The following LDB2 variants were observed in gnomAD, a reference collection of about 807,000 sequenced individuals.
LDB2 encodes LIM domain-binding protein 2.
Under a neutral mutation model 44.3 loss-of-function variants are expected in LDB2, and 12 were observed. The ratio of observed to expected loss-of-function variants is 0.27; its 90% CI spans 0.17 to 0.44. LDB2 has a LOEUF of 0.44. Ranked by LOEUF, LDB2 falls within the 20% of genes least tolerant of loss-of-function variation. LDB2 has a pLI of 1.00. For missense variants in LDB2, 344 were observed against 473.5 expected, an observed-to-expected ratio of 0.73 and a Z score of 2.54; for synonymous variants, 164 against 174.8, an observed-to-expected ratio of 0.94 and a Z score of 0.49.
intron 5 of LDB2, among the ~76,000 whole-genome samples, chr4:16,573,856 T>TAAATTCCACC (rs1747450773): frequency 2.6e-5 from 4 of 152,132 alleles, no homozygotes; most frequent in Non-Finnish European, 5.9e-5. Context: ...GGCTTGCCAT[T>TAAATTCCACC]TAGGTGGAAA....
At chr4:16,840,815 C>T (rs1340252361) in intron 1 of LDB2, among the ~76,000 whole-genome samples, 2 of 152,192 alleles carry the variant, frequency 1.3e-5, no homozygotes, top group Admixed American at 6.5e-5. Context: ...ATATATTGCT[C>T]AGTCTTTTGT....
chr4:16,890,704 G>A lies in LDB2; in HGVS notation c.132+7650C>T, dbSNP rs550891301. 7.9e-5 allele frequency among the ~76,000 whole-genome samples: 12 copies of A among 152,230 alleles called. No homozygotes were observed. In the South Asian group the frequency reaches 1.5e-3, roughly 18 times the overall value. On this transcript the variant is annotated intron_variant, in intron 1 of 7. Coordinates refer to ENST00000304523, the MANE Select transcript of LDB2 (RefSeq NM_001290.5). Reference sequence around the variant, plus strand: ...ATGGCCATGCATGAACTGAGGCCTCGGTTGCTTGTCTGGTAAAGGAGAACC... The same window carrying A: ...ATGGCCATGCATGAACTGAGGCCTCAGTTGCTTGTCTGGTAAAGGAGAACC...
At chr4:16,720,068 T>C (rs1757924776) in intron 2 of LDB2, among the ~76,000 whole-genome samples, 1 of 152,082 alleles carries the variant, frequency 6.6e-6, no homozygotes, top group South Asian at 2.1e-4. Flanking sequence ...CAATAACTCA[T>C]TCATGGTCAT....
chr4:16,610,043 C>T (rs572741971), intron 2 of LDB2, among the ~76,000 whole-genome samples: 3 of 152,112 alleles, frequency 2.0e-5, no homozygotes, highest in Admixed American at 2.0e-4. Flanking sequence ...GTGACATCTC[C>T]AGGCATGGGA....
At chr4:16,826,544 G>T (rs186053501) in intron 1 of LDB2, 2 of 152,284 alleles carry the variant, frequency 1.3e-5, no homozygotes, top group East Asian at 3.9e-4. Context: ...TTATGCAAAA[G>T]ACATTGTCTT....
intron 2 of LDB2, among the ~76,000 whole-genome samples, chr4:16,743,732 C>T (rs1763811500): frequency 6.6e-6 from 1 of 152,046 alleles, no homozygotes; most frequent in African/African-American, 2.4e-5. Context: ...CTCCATCGTA[C>T]CACTGCAAAA....
intron 1 of LDB2, among the ~76,000 whole-genome samples, chr4:16,808,599 A>G (rs1779217211): frequency 6.6e-6 from 1 of 152,190 alleles, no homozygotes. Flanking sequence ...GACTTGAGAC[A>G]GTTTTGATTT....
At chr4:16,867,554 A>G (rs1407549810) in intron 1 of LDB2, among the ~76,000 whole-genome samples, 1 of 152,226 alleles carries the variant, frequency 6.6e-6, no homozygotes, top group Non-Finnish European at 1.5e-5. Context: ...AAGGTACAGG[A>G]TAGCAGTGCC....
intron 3 of LDB2, 99 bp from the exon 4 acceptor site, chr4:16,588,931 T>A: frequency 7.9e-7 from 1 of 1,264,450 alleles, no homozygotes; most frequent in Non-Finnish European, 1.1e-6. Flanking sequence ...TTTCTGTCCT[T>A]GGGCAGTGCT....
chr4:16,549,105 A>G (rs1467194680), intron 5 of LDB2, among the ~76,000 whole-genome samples: 1 of 152,206 alleles, frequency 6.6e-6, no homozygotes, highest in Non-Finnish European at 1.5e-5. Flanking sequence ...TCCTGTTCAG[A>G]GCTTTTTCTA....
At chr4:16,808,291 T>C (rs1779160899) in intron 1 of LDB2, among the ~76,000 whole-genome samples, 1 of 152,106 alleles carries the variant, frequency 6.6e-6, no homozygotes, top group African/African-American at 2.4e-5. Context: ...GTGATAGATA[T>C]GATTTTATTA....
chr4:16,683,302 T>A (rs1398249930), intron 2 of LDB2, among the ~76,000 whole-genome samples: 3 of 152,194 alleles, frequency 2.0e-5, no homozygotes, highest in Non-Finnish European at 2.9e-5. Context: ...GCTTTCTCAA[T>A]CCCAAGAGCT....
intron 1 of LDB2, among the ~76,000 whole-genome samples, chr4:16,760,661 C>G (rs1767705257): frequency 6.6e-6 from 1 of 152,100 alleles, no homozygotes; most frequent in Admixed American, 6.5e-5. Context: ...TGGTCCCTAC[C>G]CTCAAAGGGC....
rs949520624 is a variant in LDB2, at chr4:16,502,180, T to C, written c.*463A>G. The C allele has an allele frequency of 2.6e-5, 4 of 154,450 alleles. No homozygotes were observed. Among genetic ancestry groups the C allele is most frequent in the African/African-American group, 9.6e-5 (4 of 41,482 alleles). 9.6% of individuals were successfully genotyped at this position (154,450 alleles called of 1,614,324 possible). ...ATTTTTTTGTCTTTTCTTTTTTTAC[T>C]GAAACAAGAAACTCTCAGATGCAAG... On this transcript the variant is annotated 3_prime_UTR_variant, in exon 8 of 8. Coordinates refer to ENST00000304523, the MANE Select transcript of LDB2 (RefSeq NM_001290.5).
At chr4:16,867,527 A>G (rs1393774659) in intron 1 of LDB2, among the ~76,000 whole-genome samples, 7 of 152,150 alleles carry the variant, frequency 4.6e-5, no homozygotes, top group Non-Finnish European at 1.0e-4. Context: ...GAAAACAGGA[A>G]CAACTAGAGA....
Position 16,502,163 on chromosome 4 carries a change from GTCTTT to G in LDB2, c.*475_*479del, listed in dbSNP as rs1717680271. The G allele has an allele frequency of 6.5e-6, 1 of 153,978 alleles. No homozygotes were observed. The highest frequency in any genetic ancestry group is 2.4e-5 in the African/African-American group (1 of 41,340). The allele number at this position is 153,978 out of a possible 1,614,324, so 9.5% of individuals were successfully genotyped here. A position where few individuals can be genotyped will look rare whatever the true frequency, so the allele number is the denominator to read the frequency against. On this transcript the variant is annotated 3_prime_UTR_variant, in exon 8 of 8. Coordinates refer to ENST00000304523, the MANE Select transcript of LDB2 (RefSeq NM_001290.5). ...ATTACTTTCCAAAGCTGATTTTTTTGTCTTTTCTTTTTTTACTGAAACAAGAAACT... is the reference window on the plus strand; with the variant it reads ...ATTACTTTCCAAAGCTGATTTTTTTGTCTTTTTTTACTGAAACAAGAAACT...
At chr4:16,780,029 T>A (rs1301238427) in intron 1 of LDB2, among the ~76,000 whole-genome samples, 1 of 152,214 alleles carries the variant, frequency 6.6e-6, no homozygotes, top group East Asian at 1.9e-4. Flanking sequence ...TTAACAACTT[T>A]CATCAAGTAG....
chr4:16,860,051 T>C (rs548473320), intron 1 of LDB2, among the ~76,000 whole-genome samples: 42 of 152,314 alleles, frequency 2.8e-4, no homozygotes, highest in Admixed American at 5.2e-4. Flanking sequence ...AACATGGCCC[T>C]GGCTTTATTT....
At chr4:16,527,735 G>A (rs1325224195) in intron 5 of LDB2, among the ~76,000 whole-genome samples, 1 of 152,050 alleles carries the variant, frequency 6.6e-6, no homozygotes, top group Admixed American at 6.6e-5. Flanking sequence ...AGCAGAAATG[G>A]TGACTATATT....
Sources: gnomAD v4.1 joint callset for allele counts (sites outside exome capture counted in the v4.1 genomes callset) on GRCh38, gnomAD v4.1.1 for gene constraint, MANE v1.5 for transcripts, NCBI Gene and HGNC (gene_info 2026-07-23, HGNC 2026-07-21) for gene names.